The following CASQ2 variants were observed in gnomAD, a reference collection of about 807,000 sequenced individuals.
CASQ2 encodes the protein calsequestrin 2.
CASQ2 carries 49 observed loss-of-function variants against 46.5 expected under a neutral mutation model. The ratio of observed to expected loss-of-function variants is 1.05; its 90% CI spans 0.84 to 1.34. The LOEUF (loss-of-function observed/expected upper bound fraction) is 1.34, where lower values mean the gene tolerates loss of function less well. CASQ2 is among the 40% of genes most tolerant of loss of function. The pLI, the probability that CASQ2 is intolerant of heterozygous loss-of-function variation, is 0.00. For missense variants in CASQ2, 486 were observed against 481.3 expected, an observed-to-expected ratio of 1.01 and a Z score of -0.09; for synonymous variants, 174 against 168.5, an observed-to-expected ratio of 1.03 and a Z score of -0.25.
At chr1:115,727,313 A>C (rs1647629700) in intron 5 of CASQ2, among the ~76,000 whole-genome samples, 191 bp from the exon 6 acceptor site, 1 of 152,182 alleles carries the variant, frequency 6.6e-6, no homozygotes, top group South Asian at 2.1e-4. Flanking sequence ...TTTTGTGATC[A>C]AAGAAGGAAA....
intron 7 of CASQ2, among the ~76,000 whole-genome samples, chr1:115,719,891 C>G (rs561986771): frequency 1.4e-4 from 21 of 152,272 alleles, no homozygotes; most frequent in Non-Finnish European, 2.6e-4. Context: ...ATCTTCCCTC[C>G]TCAACTAGAT....
chr1:115,704,131 C>T (rs11580293), intron 9 of CASQ2, among the ~76,000 whole-genome samples: 29,163 of 152,200 alleles, frequency 0.19, 2,945 homozygotes, highest in South Asian at 0.27. Context: ...GATTCACCCC[C>T]TCCTCTACAT....
At chr1:115,741,071 C>CCA (rs1447617775) in intron 2 of CASQ2, among the ~76,000 whole-genome samples, 1 of 152,250 alleles carries the variant, frequency 6.6e-6, no homozygotes, top group African/African-American at 2.4e-5. Context: ...AGTCTATTCT[C>CCA]CACTCCACCA....
intron 1 of CASQ2, among the ~76,000 whole-genome samples, chr1:115,750,016 C>A (rs1363498141): frequency 1.3e-5 from 2 of 152,200 alleles, no homozygotes; most frequent in Admixed American, 6.5e-5. Flanking sequence ...GTGACTCTTT[C>A]CTCCATAAGA....
chr1:115,739,977 G>T (rs570679004), intron 3 of CASQ2, among the ~76,000 whole-genome samples: 1 of 152,292 alleles, frequency 6.6e-6, no homozygotes, highest in Admixed American at 6.5e-5. Flanking sequence ...TGCGTCATGA[G>T]ATGGCACTTT....
chr1:115,765,938 A>G (rs1649119793), intron 1 of CASQ2, among the ~76,000 whole-genome samples: 1 of 152,246 alleles, frequency 6.6e-6, no homozygotes, highest in South Asian at 2.1e-4. Context: ...TGTTTTGACC[A>G]TGAAGAAAGT....
chr1:115,701,264 T>C lies in CASQ2; in HGVS notation c.1177A>G (p.Ser393Gly). Residue 393 changes from serine (S) to glycine (G), a missense_variant, in exon 11 of 11, where the codon AGT (serine) becomes GGT (glycine). Ser to Gly is a moderately conservative substitution (Grantham distance 56). Coordinates refer to ENST00000261448, the MANE Select transcript of CASQ2 (RefSeq NM_001232.4). The stretch of plus-strand genomic sequence containing the variant: ...GGCTATTCATCATCATCGTCATCAC[T>C]GTCATCATTATCCTCTTCATCAGAA... ...DNSDEEDNDDSDDDDDE is the reference protein window; with the variant it reads ...DNSDEEDNDDGDDDDDE The C allele has an allele frequency of 6.2e-7, 1 of 1,606,012 alleles. No homozygotes were observed. The highest frequency in any genetic ancestry group is 8.5e-7 in the Non-Finnish European group (1 of 1,172,686).
intron 7 of CASQ2, among the ~76,000 whole-genome samples, chr1:115,719,026 G>A (rs954261091): frequency 6.6e-6 from 1 of 152,094 alleles, no homozygotes; most frequent in Non-Finnish European, 1.5e-5. Flanking sequence ...ACCTCCAGGC[G>A]TCTCAACCTT....
intron 4 of CASQ2, among the ~76,000 whole-genome samples, chr1:115,736,382 A>G (rs1287145769): frequency 6.6e-6 from 1 of 152,018 alleles, no homozygotes; most frequent in African/African-American, 2.4e-5. Flanking sequence ...CATGCCTGTA[A>G]TCCAAGCACT....
intron 4 of CASQ2, among the ~76,000 whole-genome samples, chr1:115,734,979 T>G (rs1287607035): frequency 6.6e-6 from 1 of 152,202 alleles, no homozygotes; most frequent in Admixed American, 6.6e-5. Context: ...TGTACACAAT[T>G]AAATGTATAA....
rs1647513777 is a variant in CASQ2, at chr1:115,724,727, C to T, written c.783+781G>A. Among the ~76,000 whole-genome samples the T allele has an allele frequency of 2.0e-5, 3 of 152,178 alleles. No homozygotes were observed. The South Asian group carries it at 6.2e-4, about 31-fold the overall frequency. On this transcript the variant is annotated intron_variant, in intron 7 of 10. Transcript: ENST00000261448. ...GCCTTCAGTTGATATTTTTAAAAAACAGCTACCATATAGTGAACTCTTCAT... is the reference window on the plus strand; with the variant it reads ...GCCTTCAGTTGATATTTTTAAAAAATAGCTACCATATAGTGAACTCTTCAT...
intron 8 of CASQ2, among the ~76,000 whole-genome samples, chr1:115,714,958 G>A (rs1415503031): frequency 1.3e-5 from 2 of 152,222 alleles, no homozygotes; most frequent in African/African-American, 4.8e-5. Context: ...ATTCATTACA[G>A]CAGCAATCTC....
At chr1:115,761,442 G>A (rs1199929797) in intron 1 of CASQ2, among the ~76,000 whole-genome samples, 1 of 9,008 alleles carries the variant, frequency 1.1e-4, no homozygotes, top group African/African-American at 4.2e-4. Flanking sequence ...GAAGAAGAAA[G>A]AAGAAGAAGA....
chr1:115,741,502 T>A (rs1648178675), intron 2 of CASQ2, among the ~76,000 whole-genome samples: 1 of 152,206 alleles, frequency 6.6e-6, no homozygotes, highest in African/African-American at 2.4e-5. Context: ...AATTTACAGG[T>A]CTTCACTATC....
At chr1:115,746,345 C>G (rs1410375525) in intron 1 of CASQ2, among the ~76,000 whole-genome samples, 1 of 152,064 alleles carries the variant, frequency 6.6e-6, no homozygotes, top group Non-Finnish European at 1.5e-5. Flanking sequence ...AGATAAATGT[C>G]TAATAGTACA....
chr1:115,736,261 C>G (rs1347395902), intron 4 of CASQ2, among the ~76,000 whole-genome samples: 2 of 151,902 alleles, frequency 1.3e-5, no homozygotes, highest in African/African-American at 4.8e-5. Context: ...AGGTGACCAT[C>G]AAGAATTTGA....
chr1:115,725,151 T>C (rs965126467), intron 7 of CASQ2, among the ~76,000 whole-genome samples: 13 of 152,056 alleles, frequency 8.5e-5, no homozygotes, highest in African/African-American at 3.1e-4. Flanking sequence ...ATTGCAGACT[T>C]GACCTCCCAG....
At chr1:115,765,527 G>T (rs4550045) in intron 1 of CASQ2, among the ~76,000 whole-genome samples, 69 of 152,256 alleles carry the variant, frequency 4.5e-4, no homozygotes, top group Non-Finnish European at 8.4e-4. Context: ...CACTGGAGAG[G>T]GAAATCAACT....
intron 8 of CASQ2, among the ~76,000 whole-genome samples, chr1:115,715,463 C>T (rs926613614): frequency 3.5e-4 from 53 of 152,166 alleles, no homozygotes; most frequent in African/African-American, 1.3e-3. Context: ...ACACAAAAGG[C>T]TACATATTAA....
Sources: gnomAD v4.1 joint callset for allele counts (sites outside exome capture counted in the v4.1 genomes callset) on GRCh38, gnomAD v4.1.1 for gene constraint, MANE v1.5 for transcripts, NCBI Gene and HGNC (gene_info 2026-07-23, HGNC 2026-07-21) for gene names.